The following CHRNB3 variants were observed in gnomAD, a reference collection of about 807,000 sequenced individuals.
CHRNB3 encodes the protein cholinergic receptor nicotinic beta 3 subunit.
A neutral mutation model predicts 40.6 loss-of-function variants in CHRNB3; 37 were observed. The observed-to-expected ratio is 0.91, with a 90% CI of 0.70 to 1.20. The LOEUF is 1.20. Ranked by LOEUF, CHRNB3 falls within the 50% of genes most tolerant of loss-of-function variation. The pLI, the probability that CHRNB3 is intolerant of heterozygous loss-of-function variation, is 0.00. For missense variants in CHRNB3, 505 were observed against 551.2 expected (o/e 0.92, Z 0.84); for synonymous variants, 207 against 207.1 (o/e 1.00, Z 0.00).
intron 5 of CHRNB3, among the ~76,000 whole-genome samples, chr8:42,733,307 A>G (rs904671957): frequency 1.3e-5 from 2 of 152,058 alleles, no homozygotes; most frequent in Non-Finnish European, 2.9e-5. Flanking sequence ...AAAAAAGAAA[A>G]AGAAGATAAA....
At position 42,732,242 on chromosome 8, in the gene CHRNB3, T is replaced by C. The variant is rs776245529; in HGVS notation, c.935T>C (p.Ile312Thr). ...ATGATTTTTGTGACCCTGTCCATCA[T>C]TGTTACCGTGTTTGTCATTAACGTT... Reference protein sequence around the residue: ...FIMIFVTLSIIVTVFVINVHH... With the variant: ...FIMIFVTLSITVTVFVINVHH... The change falls in exon 5 of 6, where the codon ATT (isoleucine) becomes ACT (threonine). Residue 312 changes from isoleucine to threonine, a missense_variant. Ile to Thr is a moderately conservative substitution (Grantham distance 89). Coordinates refer to ENST00000289957, the MANE Select transcript of CHRNB3 (RefSeq NM_000749.5). The C allele has an allele frequency of 6.2e-6, 10 of 1,612,042 alleles. No homozygotes were observed. The South Asian group carries it at 8.8e-5, about 14-fold the overall frequency.
intron 5 of CHRNB3, among the ~76,000 whole-genome samples, chr8:42,736,193 A>T (rs1586414900): frequency 6.6e-6 from 1 of 152,142 alleles, no homozygotes; most frequent in East Asian, 1.9e-4. Flanking sequence ...TCATGTAAAA[A>T]TCAGACTTTT....
At chr8:42,734,788 T>A (rs1345199489) in intron 5 of CHRNB3, among the ~76,000 whole-genome samples, 3 of 152,088 alleles carry the variant, frequency 2.0e-5, no homozygotes, top group African/African-American at 4.8e-5. Context: ...ATATGTCCTC[T>A]CTCTTAACAA....
chr8:42,725,666 A>G lies in CHRNB3; in HGVS notation c.250-4928A>G, dbSNP rs1480241958. ...CGGGCCACTGAGAGGTGGAAAGGGC[A>G]CAAGAACCACGAGATCTCCTGGAAA... is the stretch of plus-strand genomic sequence containing the variant. On this transcript the variant is annotated intron_variant, in intron 3 of 5. Coordinates refer to ENST00000289957, the MANE Select transcript of CHRNB3 (RefSeq NM_000749.5). 24 of 995,256 alleles carry G rather than the reference A, an allele frequency of 2.4e-5. No homozygotes were observed. In the Admixed American group the frequency reaches 4.1e-4, roughly 17 times the overall value. The allele number at this position is 995,256 out of a possible 1,614,324, so 61.7% of individuals were successfully genotyped here.
At chr8:42,731,534 G>C (rs1264890597) in intron 4 of CHRNB3, 133 bp from the exon 5 acceptor site, 2 of 1,016,786 alleles carry the variant, frequency 2.0e-6, no homozygotes, top group East Asian at 2.6e-5. Flanking sequence ...CAGCCCGGGC[G>C]ATAGAGTGAG....
intron 1 of CHRNB3, among the ~76,000 whole-genome samples, chr8:42,703,435 A>AAAAAAAAAAGATATATATATATAT: frequency 2.1e-5 from 1 of 47,400 alleles, no homozygotes. Context: ...AAAAAAAAAA[A>AAAAAAAAAAGATATATATATATAT]ATATTTATAT....
In CHRNB3 at chr8:42,703,435, A is replaced by AAAAAAAAAAAATATATATATATATATAT; in HGVS notation, c.53-5281_53-5280insAAAAAAAAAATATATATATATATATATA. Among the ~76,000 whole-genome samples the AAAAAAAAAAAATATATATATATATATAT allele has an allele frequency of 5.1e-4, 24 of 47,398 alleles. 5 individuals carry two copies. Among genetic ancestry groups the AAAAAAAAAAAATATATATATATATATAT allele is most frequent in the Non-Finnish European group, 8.8e-4 (19 of 21,522 alleles). 31.1% of individuals were successfully genotyped at this position (47,398 alleles called of 152,430 possible). A position where few individuals can be genotyped will look rare whatever the true frequency, so the allele number is the denominator to read the frequency against. ...CAAGACTTCGTCTAAAAAAAAAAAA[A>AAAAAAAAAAAATATATATATATATATAT]ATATTTATATATATATATATATATA... On this transcript the variant is annotated intron_variant, in intron 1 of 5. Transcript: ENST00000289957.
At chr8:42,729,436 C>T (rs970901679) in intron 3 of CHRNB3, among the ~76,000 whole-genome samples, 1 of 151,970 alleles carries the variant, frequency 6.6e-6, no homozygotes, top group Non-Finnish European at 1.5e-5. Context: ...AAATAAATAT[C>T]ATGCCATTTT....
chr8:42,730,875 C>T (rs539151227), intron 4 of CHRNB3, among the ~76,000 whole-genome samples, 172 bp downstream of exon 4: 3 of 137,544 alleles, frequency 2.2e-5, no homozygotes, highest in Non-Finnish European at 3.1e-5. Flanking sequence ...GGTGAAACCC[C>T]GTCTCTACTA....
chr8:42,731,666 G>A lies in CHRNB3; in HGVS notation c.360-1G>A, dbSNP rs1816420169. The A allele has an allele frequency of 6.3e-7, 1 of 1,598,288 alleles. No individual in the cohort carries two copies. Among genetic ancestry groups the A allele is most frequent in the Non-Finnish European group, 8.5e-7 (1 of 1,172,020 alleles). On this transcript the variant is annotated splice_acceptor_variant, in intron 4 of 5. Transcript: ENST00000289957. LOFTEE classifies it high-confidence loss of function. ...CTAAGGTGAAACTGCTTTGATTGCA[G>A]TGCTGACGGCCGCTTCGAAGGCTCC...
At chr8:42,724,192 C>T (rs996057396) in intron 3 of CHRNB3, among the ~76,000 whole-genome samples, 1 of 151,950 alleles carries the variant, frequency 6.6e-6, no homozygotes, top group Non-Finnish European at 1.5e-5. Context: ...GTCAGGAGTT[C>T]GAGACCAGCC....
chr8:42,726,483 T>C (rs1816311983), intron 3 of CHRNB3, among the ~76,000 whole-genome samples: 1 of 144,806 alleles, frequency 6.9e-6, no homozygotes, highest in African/African-American at 2.6e-5. Flanking sequence ...TAAATGACTT[T>C]TTTTTTTTTT....
chr8:42,715,199 T>C (rs1342744036), intron 3 of CHRNB3, among the ~76,000 whole-genome samples: 1 of 152,052 alleles, frequency 6.6e-6, no homozygotes, highest in Non-Finnish European at 1.5e-5. Flanking sequence ...AGAAAGTACA[T>C]ATAAACCACT....
chr8:42,714,941 C>A (rs1239357751), intron 3 of CHRNB3: 2 of 152,200 alleles, frequency 1.3e-5, no homozygotes, highest in Non-Finnish European at 1.5e-5. Flanking sequence ...ATTTCCTAAC[C>A]CTGGTCTTCT....
At chr8:42,716,648 G>C (rs1467495770) in intron 3 of CHRNB3, among the ~76,000 whole-genome samples, 2 of 152,124 alleles carry the variant, frequency 1.3e-5, no homozygotes, top group Non-Finnish European at 2.9e-5. Flanking sequence ...GCCATGGAAA[G>C]GGGTGGTAAC....
At chr8:42,730,049 A>C (rs1459304543) in intron 3 of CHRNB3, among the ~76,000 whole-genome samples, 3 of 152,234 alleles carry the variant, frequency 2.0e-5, no homozygotes, top group Non-Finnish European at 4.4e-5. Context: ...AAAACTTAAA[A>C]GAAAATGCTG....
intron 3 of CHRNB3, among the ~76,000 whole-genome samples, chr8:42,715,469 T>A (rs1395026555): frequency 6.6e-6 from 1 of 152,138 alleles, no homozygotes; most frequent in Non-Finnish European, 1.5e-5. Flanking sequence ...AAATGCCCAA[T>A]TCCCCCTCTT....
At chr8:42,702,175 C>T (rs557333002) in intron 1 of CHRNB3, among the ~76,000 whole-genome samples, 1 of 152,220 alleles carries the variant, frequency 6.6e-6, no homozygotes, top group Non-Finnish European at 1.5e-5. Flanking sequence ...AAGTGCACGC[C>T]ATCCCTGTCT....
At chr8:42,720,941 A>C (rs1816210217) in intron 3 of CHRNB3, among the ~76,000 whole-genome samples, 1 of 152,248 alleles carries the variant, frequency 6.6e-6, no homozygotes. Context: ...CTGTAGAAGG[A>C]AGGAAACTGG....
Sources: allele counts gnomAD v4.1 joint callset (sites outside exome capture counted in the v4.1 genomes callset), GRCh38; gene constraint gnomAD v4.1.1; transcripts MANE v1.5; gene names NCBI Gene and HGNC (gene_info 2026-07-23, HGNC 2026-07-21).